Variants in PPP2R5E observed in about 807,000 individuals in gnomAD.
PPP2R5E encodes serine/threonine-protein phosphatase 2A 56 kDa regulatory subunit epsilon isoform.
Under a neutral mutation model 65.3 loss-of-function variants are expected in PPP2R5E, and 4 were observed. The ratio of observed to expected loss-of-function variants is 0.06; its 90% CI spans 0.03 to 0.14. The LOEUF is 0.14. Among genes scored for constraint, PPP2R5E ranks in the 10% least tolerant of loss-of-function variants. The pLI is 1.00. For missense variants in PPP2R5E, 274 were observed against 556.1 expected, an observed-to-expected ratio of 0.49 and a Z score of 5.10; for synonymous variants, 183 against 187.4, an observed-to-expected ratio of 0.98 and a Z score of 0.19.
At chr14:63,430,397 ACATGCATACATACATACATACATG>A (rs1887600581) in intron 3 of PPP2R5E, among the ~76,000 whole-genome samples, 11 of 137,126 alleles carry the variant, frequency 8.0e-5, no homozygotes, top group Non-Finnish European at 1.4e-4. Flanking sequence ...ATACATACAT[ACATGCATACATACATACATACATG>A]CATACATACA....
At chr14:63,431,013 T>C (rs947757943) in intron 3 of PPP2R5E, among the ~76,000 whole-genome samples, 1 of 152,196 alleles carries the variant, frequency 6.6e-6, no homozygotes, top group Non-Finnish European at 1.5e-5. Flanking sequence ...CTCACCCCTG[T>C]AATCCCAGCA....
At chr14:63,531,678 G>T (rs947937177) in intron 2 of PPP2R5E, among the ~76,000 whole-genome samples, 1 of 151,092 alleles carries the variant, frequency 6.6e-6, no homozygotes, top group Non-Finnish European at 1.5e-5. Context: ...ACACGGCCGG[G>T]TGCGGTGGCT....
In PPP2R5E at chr14:63,527,870, G is replaced by A. The variant is rs569492709; in HGVS notation, c.157+11659C>T. 1.4e-4 allele frequency among the ~76,000 whole-genome samples: 22 copies of A among 151,960 alleles called. No individual in the cohort carries two copies. In the South Asian group the frequency reaches 3.7e-3, roughly 26 times the overall value. On this transcript the variant is annotated intron_variant, in intron 2 of 13. Coordinates refer to ENST00000337537, the MANE Select transcript of PPP2R5E (RefSeq NM_006246.5). The stretch of plus-strand genomic sequence containing the variant: ...GAATTGCTTGAACCCGGGAGGTGGA[G>A]GTTGCAATGAGCAGAGATCGCGTCA...
At chr14:63,423,743 A>C (rs372663184) in intron 3 of PPP2R5E, among the ~76,000 whole-genome samples, 1 of 152,330 alleles carries the variant, frequency 6.6e-6, no homozygotes. Context: ...TCCAGTAAAT[A>C]ATTATTAAGT....
intron 12 of PPP2R5E, among the ~76,000 whole-genome samples, 167 bp downstream of exon 12, chr14:63,384,277 A>G (rs573664917): frequency 6.6e-6 from 1 of 152,364 alleles, no homozygotes; most frequent in Non-Finnish European, 1.5e-5. Context: ...GTATTTTGTT[A>G]AAGTATCTGT....
chr14:63,511,445 A>G (rs899992133), intron 2 of PPP2R5E, among the ~76,000 whole-genome samples: 1 of 152,230 alleles, frequency 6.6e-6, no homozygotes, highest in Non-Finnish European at 1.5e-5. Context: ...GTGAGCTCAG[A>G]GGAGAAGAGA....
chr14:63,523,378 G>A (rs1252868344), intron 2 of PPP2R5E, among the ~76,000 whole-genome samples: 1 of 152,284 alleles, frequency 6.6e-6, no homozygotes, highest in African/African-American at 2.4e-5. Context: ...AAATTCTTCT[G>A]CCTTGGGATC....
rs536179057 is a variant in PPP2R5E at position 63,403,478 on chromosome 14, T to G, written c.550-6762A>C. Among the ~76,000 whole-genome samples, 8 of 151,536 alleles carry G rather than the reference T, an allele frequency of 5.3e-5. No individual in the cohort carries two copies. The South Asian group carries it at 1.7e-3, about 32-fold the overall frequency. ...CACTTACATCCCATTCATGCTTTCT[T>G]AGGAAGAATCTAGAAGATATGCTCC... On this transcript the variant is annotated intron_variant, in intron 5 of 13. Transcript: ENST00000337537.
Position 63,511,037 on chromosome 14 carries a change from T to C in PPP2R5E, c.157+28492A>G, listed in dbSNP as rs1051814611. ...AGGTGAGAAGTCCCAAGTACATTTA[T>C]GGCAGATTGCAGAAATGGCCACAAA... On this transcript the variant is annotated intron_variant, in intron 2 of 13. Coordinates refer to ENST00000337537, the MANE Select transcript of PPP2R5E (RefSeq NM_006246.5). Among the ~76,000 whole-genome samples, 8 of 152,238 alleles carry C rather than the reference T, an allele frequency of 5.3e-5. No individual in the cohort carries two copies. In the East Asian group the frequency reaches 1.2e-3, roughly 22 times the overall value.
chr14:63,394,311 T>C (rs925629241), intron 7 of PPP2R5E, among the ~76,000 whole-genome samples: 2 of 152,024 alleles, frequency 1.3e-5, no homozygotes, highest in Non-Finnish European at 2.9e-5. Flanking sequence ...TCTAGAACTC[T>C]TAACTGCAAA....
intron 3 of PPP2R5E, among the ~76,000 whole-genome samples, chr14:63,442,327 C>T (rs1420881841): frequency 6.6e-6 from 1 of 152,148 alleles, no homozygotes; most frequent in East Asian, 1.9e-4. Flanking sequence ...TCAGATATCA[C>T]TCATTTCTCT....
At chr14:63,474,744 A>T (rs1890321428) in intron 2 of PPP2R5E, among the ~76,000 whole-genome samples, 1 of 151,994 alleles carries the variant, frequency 6.6e-6, no homozygotes, top group Non-Finnish European at 1.5e-5. Flanking sequence ...TGGGGGAAAA[A>T]AAGGAAGAAA....
intron 11 of PPP2R5E, among the ~76,000 whole-genome samples, chr14:63,388,959 A>G (rs1238484006): frequency 2.0e-5 from 3 of 152,296 alleles, no homozygotes; most frequent in East Asian, 3.9e-4. Flanking sequence ...TGGGTTCCAC[A>G]GCACTGCAGC....
At chr14:63,499,621 G>A (rs1891755940) in intron 2 of PPP2R5E, among the ~76,000 whole-genome samples, 2 of 152,102 alleles carry the variant, frequency 1.3e-5, no homozygotes, top group South Asian at 2.1e-4. Flanking sequence ...CGGCTACTCG[G>A]GAGGCTGAAG....
chr14:63,492,105 T>C (rs1477883308), intron 2 of PPP2R5E, among the ~76,000 whole-genome samples: 1 of 152,072 alleles, frequency 6.6e-6, no homozygotes, highest in East Asian at 1.9e-4. Context: ...TAATTCTCTG[T>C]TCTTCAATAA....
intron 2 of PPP2R5E, among the ~76,000 whole-genome samples, chr14:63,512,649 G>A (rs753056638): frequency 4.5e-4 from 68 of 151,768 alleles, no homozygotes; most frequent in Non-Finnish European, 6.9e-4. Flanking sequence ...AAGTTTCCTC[G>A]TATCTCCTTC....
At chr14:63,529,527 G>GT (rs932660884) in intron 2 of PPP2R5E, among the ~76,000 whole-genome samples, 90 of 150,910 alleles carry the variant, frequency 6.0e-4, no homozygotes, top group African/African-American at 2.0e-3. Context: ...CGCCCGGCTA[G>GT]TTTTTTTTTG....
At position 63,520,408 on chromosome 14, in the gene PPP2R5E, T is replaced by G. The variant is rs113092850; in HGVS notation, c.157+19121A>C. ...ATCGCTTCCTCTGAGAAACCTTCCC[T>G]GAATGGCCACCCTATTTCTCCAAAA... On this transcript the variant is annotated intron_variant, in intron 2 of 13. Coordinates refer to ENST00000337537, the MANE Select transcript of PPP2R5E (RefSeq NM_006246.5). Among the ~76,000 whole-genome samples the G allele has an allele frequency of 5.7e-3, 862 of 152,344 alleles. 5 individuals are homozygous for G. The highest frequency in any genetic ancestry group is 7.0e-3 in the Non-Finnish European group (476 of 68,028).
rs1892540960 is a variant in PPP2R5E at position 63,513,418 on chromosome 14, T to C, written c.157+26111A>G. On this transcript the variant is annotated intron_variant, in intron 2 of 13. Transcript: ENST00000337537. ...CAAATACTGTACAATCTTTCAAAAA[T>C]ATGAACCACTCACTAAGTGTGCTTC... is the stretch of plus-strand genomic sequence containing the variant. 2.0e-5 allele frequency among the ~76,000 whole-genome samples: 3 copies of C among 152,170 alleles called. No individual in the cohort carries two copies. In the South Asian group the frequency reaches 6.2e-4, roughly 31 times the overall value.
Sources: gnomAD v4.1 joint callset for allele counts (sites outside exome capture counted in the v4.1 genomes callset) on GRCh38, gnomAD v4.1.1 for gene constraint, MANE v1.5 for transcripts, NCBI Gene and HGNC (gene_info 2026-07-23, HGNC 2026-07-21) for gene names.